The following PRORP variants were observed in gnomAD, a reference collection of about 807,000 sequenced individuals.
PRORP encodes the protein protein only RNase P catalytic subunit.
PRORP carries 51 observed loss-of-function variants against 59.4 expected under a neutral mutation model. The ratio of observed to expected loss-of-function variants is 0.86; its 90% CI spans 0.69 to 1.08. The LOEUF (loss-of-function observed/expected upper bound fraction) is 1.08, where lower values mean the gene tolerates loss of function less well. Among genes scored for constraint, PRORP ranks in the 50% least tolerant of loss-of-function variants. The probability of loss-of-function intolerance (pLI) is 0.00; values close to 1 mark genes in which losing one functional copy is unlikely to be tolerated. For synonymous variants in PRORP, 231 were observed against 245.6 expected, an observed-to-expected ratio of 0.94 and a Z score of 0.55; for missense variants, 646 against 690.3, an observed-to-expected ratio of 0.94 and a Z score of 0.72.
intron 4 of PRORP, among the ~76,000 whole-genome samples, chr14:35,167,028 A>G (rs1418053221): frequency 3.9e-5 from 6 of 152,130 alleles, no homozygotes. Flanking sequence ...GTCAGATGCC[A>G]TTTATAATTC....
intron 5 of PRORP, among the ~76,000 whole-genome samples, chr14:35,258,770 G>C (rs573536884): frequency 6.6e-6 from 1 of 152,132 alleles, no homozygotes; most frequent in Admixed American, 6.5e-5. Flanking sequence ...AATGAACCGC[G>C]TATTGTTTAT....
At chr14:35,219,063 T>C (rs1007615732) in intron 5 of PRORP, 1 of 152,192 alleles carries the variant, frequency 6.6e-6, no homozygotes, top group Non-Finnish European at 1.5e-5. Flanking sequence ...GTTGGGCTGC[T>C]CTAGAACAAA....
chr14:35,199,532 C>G (rs531714539), intron 5 of PRORP, among the ~76,000 whole-genome samples: 3 of 152,070 alleles, frequency 2.0e-5, no homozygotes, highest in South Asian at 4.1e-4. Flanking sequence ...GTGAGTTCAG[C>G]TCTTTTTGTC....
At chr14:35,230,160 C>T (rs1404900298) in intron 5 of PRORP, among the ~76,000 whole-genome samples, 1 of 149,180 alleles carries the variant, frequency 6.7e-6, no homozygotes, top group East Asian at 2.0e-4. Context: ...TCAAGCAATT[C>T]TCCTGCCTCA....
intron 4 of PRORP, among the ~76,000 whole-genome samples, chr14:35,137,399 G>A (rs1214485555): frequency 6.9e-6 from 1 of 145,486 alleles, no homozygotes; most frequent in African/African-American, 2.4e-5. Flanking sequence ...ATTTGAGGCT[G>A]TAGAAAAGAA....
rs555207275 is a variant in PRORP, at chr14:35,206,482, G to C, written c.1275+25705G>C. ...GGACTTCTGTTTTAATTACTGGCCAGGTCTACTCTGTTCAAACCCATAGCT... is the reference window on the plus strand; with the variant it reads ...GGACTTCTGTTTTAATTACTGGCCACGTCTACTCTGTTCAAACCCATAGCT... On this transcript the variant is annotated intron_variant, in intron 5 of 7. Transcript: ENST00000534898. 3.3e-5 allele frequency among the ~76,000 whole-genome samples: 5 copies of C among 152,236 alleles called. No individual in the cohort carries two copies. The South Asian group carries it at 1.0e-3, about 32-fold the overall frequency.
rs752827637 is a variant in PRORP, at chr14:35,277,172, T to C, written c.*3606T>C. On this transcript the variant is annotated 3_prime_UTR_variant, in exon 8 of 8. Coordinates refer to ENST00000534898, the MANE Select transcript of PRORP (RefSeq NM_014672.4). Reference sequence around the variant, plus strand: ...TCTCGGGCAGCTGGAATTACAGGCATGCGCCATGACGCCTGGCTAATTTTT... The same window carrying C: ...TCTCGGGCAGCTGGAATTACAGGCACGCGCCATGACGCCTGGCTAATTTTT... 3.9e-5 allele frequency: 6 copies of C among 152,182 alleles called. No homozygotes were observed. The highest frequency in any genetic ancestry group is 6.6e-5 in the Admixed American group (1 of 15,258). The allele number at this position is 152,182 out of a possible 1,614,324, so 9.4% of individuals were successfully genotyped here.
rs1348565728 is a variant in PRORP, at chr14:35,218,485, A to AAAAG, written c.1275+37708_1275+37709insAAAG. On this transcript the variant is annotated intron_variant, in intron 5 of 7. Transcript: ENST00000534898. The stretch of plus-strand genomic sequence containing the variant: ...AAAAAAAGAAAAAAAAAAAAAAAAA[A>AAAAG]CCAACAACAAAACACAACAGAACAC... Among the ~76,000 whole-genome samples the AAAAG allele has an allele frequency of 6.1e-4, 81 of 133,102 alleles. 5 individuals are homozygous for AAAAG. Among genetic ancestry groups the AAAAG allele is most frequent in the African/African-American group, 1.3e-3 (47 of 35,030 alleles). 87.3% of individuals were successfully genotyped at this position (133,102 alleles called of 152,430 possible). A position where few individuals can be genotyped will look rare whatever the true frequency, so the allele number is the denominator to read the frequency against.
At chr14:35,153,971 T>C in intron 4 of PRORP, among the ~76,000 whole-genome samples, 1 of 152,230 alleles carries the variant, frequency 6.6e-6, no homozygotes, top group East Asian at 1.9e-4. Context: ...AAATATTAAC[T>C]AACTTAACAT....
intron 5 of PRORP, among the ~76,000 whole-genome samples, chr14:35,258,723 G>T (rs1194593657): frequency 6.6e-6 from 1 of 152,132 alleles, no homozygotes; most frequent in Non-Finnish European, 1.5e-5. Flanking sequence ...GGAGGTATTA[G>T]TTCTGGGATC....
intron 5 of PRORP, 21 bp from the exon 6 acceptor site, chr14:35,266,706 T>C: frequency 6.2e-7 from 1 of 1,612,406 alleles, no homozygotes; most frequent in African/African-American, 1.3e-5. Flanking sequence ...ACTTTTGTGG[T>C]TCTGGCTTTG....
At chr14:35,212,867 C>A (rs1303036262) in intron 5 of PRORP, among the ~76,000 whole-genome samples, 1 of 152,222 alleles carries the variant, frequency 6.6e-6, no homozygotes, top group African/African-American at 2.4e-5. Flanking sequence ...TCCTAGATGG[C>A]ATCTTCTAAT....
chr14:35,261,456 C>T (rs573526383), intron 5 of PRORP, among the ~76,000 whole-genome samples: 11 of 152,140 alleles, frequency 7.2e-5, no homozygotes, highest in East Asian at 1.9e-4. Context: ...AGTAGCCAGG[C>T]GCGGTGGCTC....
chr14:35,180,642 A>T (rs1178941416), intron 4 of PRORP, 28 bp from the exon 5 acceptor site: 1 of 1,380,266 alleles, frequency 7.2e-7, no homozygotes, highest in Non-Finnish European at 1.0e-6. Flanking sequence ...AGTTCTTATT[A>T]ATGTTTTGTC....
intron 5 of PRORP, among the ~76,000 whole-genome samples, chr14:35,189,313 TC>T (rs1355475322): frequency 6.6e-6 from 1 of 152,138 alleles, no homozygotes; most frequent in Non-Finnish European, 1.5e-5. Flanking sequence ...GCTCAAGTGA[TC>T]CGCCTGCTTC....
chr14:35,155,560 T>TAAAAAAAAAAAAAAAAAAAAAAATAAAAA (rs33984722), intron 4 of PRORP, among the ~76,000 whole-genome samples: 1 of 108,676 alleles, frequency 9.2e-6, no homozygotes, highest in Non-Finnish European at 1.9e-5. Flanking sequence ...GGTGTCTATT[T>TAAAAAAAAAAAAAAAAAAAAAAATAAAAA]AAAAAAAAAA....
chr14:35,233,103 T>C (rs1566514086), intron 5 of PRORP, among the ~76,000 whole-genome samples: 1 of 150,928 alleles, frequency 6.6e-6, no homozygotes, highest in Non-Finnish European at 1.5e-5. Flanking sequence ...TTTCCCCTTT[T>C]CTTTTCATTC....
At chr14:35,266,691 C>G (rs767659648) in intron 5 of PRORP, 36 bp from the exon 6 acceptor site, 1 of 1,608,560 alleles carries the variant, frequency 6.2e-7, no homozygotes, top group Non-Finnish European at 8.5e-7. Flanking sequence ...AGAGTCTTCC[C>G]TTGAACTTTT....
chr14:35,179,509 C>A (rs1161406894), intron 4 of PRORP, among the ~76,000 whole-genome samples: 1 of 152,182 alleles, frequency 6.6e-6, no homozygotes, highest in Non-Finnish European at 1.5e-5. Context: ...CACTGATACC[C>A]TTTCTTCCAG....
Sources: allele counts gnomAD v4.1 joint callset (sites outside exome capture counted in the v4.1 genomes callset), GRCh38; gene constraint gnomAD v4.1.1; transcripts MANE v1.5; gene names NCBI Gene and HGNC (gene_info 2026-07-23, HGNC 2026-07-21).